DNAH8: variants seen among roughly 807,000 people sequenced by gnomAD.
The protein encoded by DNAH8 is axonemal beta dynein heavy chain 8.
Under a neutral mutation model 562.1 loss-of-function variants are expected in DNAH8, and 382 were observed. The observed-to-expected ratio is 0.68, with a 90% CI of 0.63 to 0.74. The LOEUF (loss-of-function observed/expected upper bound fraction) is 0.74, where lower values mean the gene tolerates loss of function less well. Among genes scored for constraint, DNAH8 ranks in the 30% least tolerant of loss-of-function variants. DNAH8 has a pLI of 0.00. For missense variants in DNAH8, 5,203 were observed against 5,620.4 expected, an observed-to-expected ratio of 0.93 and a Z score of 2.37; for synonymous variants, 1,881 against 1,919.4, an observed-to-expected ratio of 0.98 and a Z score of 0.52.
At chr6:38,975,622 G>A (rs1263718101) in intron 85 of DNAH8, among the ~76,000 whole-genome samples, 2 of 152,166 alleles carry the variant, frequency 1.3e-5, no homozygotes, top group East Asian at 3.8e-4. Context: ...CACTGAGAAA[G>A]TTAAAATCAG....
At chr6:38,979,518 G>T (rs1046930662) in intron 85 of DNAH8, among the ~76,000 whole-genome samples, 2 of 152,146 alleles carry the variant, frequency 1.3e-5, no homozygotes, top group African/African-American at 4.8e-5. Context: ...TAAAAAAATA[G>T]CAAGAAGATG....
chr6:39,001,673 A>G (rs1454365129), intron 88 of DNAH8, among the ~76,000 whole-genome samples: 1 of 152,188 alleles, frequency 6.6e-6, no homozygotes, highest in Non-Finnish European at 1.5e-5. Context: ...AGATAGAAAA[A>G]GGCTTAGTGA....
intron 26 of DNAH8, 51 bp downstream of exon 26, chr6:38,815,708 T>C (rs1189136630): frequency 6.8e-7 from 1 of 1,464,672 alleles, no homozygotes; most frequent in Non-Finnish European, 9.3e-7. Context: ...TTGGATTTGA[T>C]AGCATATAGA....
In DNAH8 at chr6:38,945,604, G is replaced by A; in HGVS notation, c.12129+16G>A. The A allele has an allele frequency of 1.2e-6, 2 of 1,613,514 alleles. No individual in the cohort carries two copies. Among genetic ancestry groups the A allele is most frequent in the African/African-American group, 2.7e-5 (2 of 75,024 alleles). ...TATGAACCAGGTAATACAATAAAGG[G>A]CTGGTTGAAAGTGCAGATCTGCAAA... On this transcript the variant is annotated intron_variant, in intron 80 of 92. Transcript: ENST00000327475.
chr6:38,732,755 C>A (rs770769472), intron 4 of DNAH8, among the ~76,000 whole-genome samples: 2 of 151,912 alleles, frequency 1.3e-5, no homozygotes, highest in Non-Finnish European at 2.9e-5. Context: ...TCTTACATGC[C>A]CACCTTTACA....
rs188142669 is a variant in DNAH8, at chr6:39,002,917, G to A, written c.13215-5897G>A. Among the ~76,000 whole-genome samples the A allele has an allele frequency of 2.0e-5, 3 of 152,266 alleles. No homozygotes were observed. In the East Asian group the frequency reaches 5.8e-4, roughly 29 times the overall value. On this transcript the variant is annotated intron_variant, in intron 88 of 92. Transcript: ENST00000327475. ...CATGACACCTTATGCATTTATCATG[G>A]CATGACTTTTGGAAAGGATGCAGAT...
At chr6:38,929,399 C>G (rs758392188) in intron 74 of DNAH8, 112 bp from the exon 75 acceptor site, 1 of 1,088,944 alleles carries the variant, frequency 9.2e-7, no homozygotes, top group Non-Finnish European at 1.3e-6. Flanking sequence ...AGTAAGTCTT[C>G]TTCTATTGCC....
chr6:38,979,189 C>T (rs1010962640), intron 85 of DNAH8, among the ~76,000 whole-genome samples: 3 of 152,194 alleles, frequency 2.0e-5, no homozygotes, highest in Non-Finnish European at 2.9e-5. Context: ...TTTATTCTTC[C>T]CAGAAGCCTC....
intron 16 of DNAH8, among the ~76,000 whole-genome samples, chr6:38,781,728 GTCACTGATACATAC>G (rs1381458390): frequency 6.6e-6 from 1 of 152,158 alleles, no homozygotes; most frequent in Non-Finnish European, 1.5e-5. Context: ...GGGCAGATAG[GTCACTGATACATAC>G]TCAGTGAAGG....
In DNAH8 at chr6:38,803,267, A is replaced by G; in HGVS notation, c.2990A>G (p.Gln997Arg). Reference protein sequence around the residue: ...AVRELISIFEQIYEVKYTGKV... With the variant: ...AVRELISIFERIYEVKYTGKV... ...AGAGAACTTATATCAATATTTGAGCAGATTTATGAAGTGAAATACACTGGG... is the reference window on the plus strand; with the variant it reads ...AGAGAACTTATATCAATATTTGAGCGGATTTATGAAGTGAAATACACTGGG... Residue 997 changes from glutamine (Q) to arginine (R), a missense_variant, in exon 22 of 93, where the codon CAG (glutamine) becomes CGG (arginine). Gln to Arg is a conservative substitution (Grantham distance 43, BLOSUM62 1). Around this residue, in one of 6 missense-constraint regions of DNAH8, gnomAD observed 2,176 missense variants for 2,365.1 expected, o/e 0.92. Coordinates refer to ENST00000327475, the MANE Select transcript of DNAH8 (RefSeq NM_001206927.2). 1 of 1,608,166 alleles carries G rather than the reference A, an allele frequency of 6.2e-7. No homozygotes were observed. The highest frequency in any genetic ancestry group is 8.5e-7 in the Non-Finnish European group (1 of 1,176,386).
intron 25 of DNAH8, 33 bp from the exon 26 acceptor site, chr6:38,815,435 G>C: frequency 6.5e-7 from 1 of 1,548,830 alleles, no homozygotes; most frequent in Non-Finnish European, 8.9e-7. Context: ...GTATGTGCCG[G>C]CAGTATTACA....
At chr6:38,971,487 T>TTTTAA in intron 82 of DNAH8, 105 bp from the exon 83 acceptor site, 1 of 653,802 alleles carries the variant, frequency 1.5e-6, no homozygotes. Flanking sequence ...TTTTTTTTTT[T>TTTTAA]AGAAACAATA....
chr6:38,892,358 A>C (rs185431290), intron 58 of DNAH8, among the ~76,000 whole-genome samples: 1 of 152,098 alleles, frequency 6.6e-6, no homozygotes, highest in Admixed American at 6.6e-5. Context: ...ACTCATCTCA[A>C]AGTTACCATG....
chr6:39,017,664 C>G (rs1023946851), intron 91 of DNAH8, among the ~76,000 whole-genome samples: 1 of 152,168 alleles, frequency 6.6e-6, no homozygotes, highest in Non-Finnish European at 1.5e-5. Context: ...AGTGTCTTGA[C>G]AAGCCATGCC....
chr6:38,764,540 C>G (rs1766818177), intron 11 of DNAH8: 1 of 152,132 alleles, frequency 6.6e-6, no homozygotes, highest in Non-Finnish European at 1.5e-5. Context: ...TGAAGTAGGC[C>G]TCCTTCAGAT....
chr6:38,756,766 C>T (rs538172268), intron 10 of DNAH8, among the ~76,000 whole-genome samples: 102 of 149,560 alleles, frequency 6.8e-4, no homozygotes, highest in South Asian at 2.3e-3. Context: ...TGAGAACATG[C>T]GGTGTTTGTT....
chr6:38,831,233 T>C (rs1773805591), intron 30 of DNAH8, among the ~76,000 whole-genome samples: 2 of 151,994 alleles, frequency 1.3e-5, no homozygotes, highest in Admixed American at 1.3e-4. Flanking sequence ...CAGACCAGCC[T>C]GGGCAACATG....
intron 76 of DNAH8, among the ~76,000 whole-genome samples, chr6:38,933,184 A>G (rs1249596309): frequency 6.6e-6 from 1 of 151,932 alleles, no homozygotes; most frequent in Non-Finnish European, 1.5e-5. Context: ...GCTGGTCTAG[A>G]TCCCCCATGC....
At chr6:38,933,062 G>A (rs938823323) in intron 76 of DNAH8, 1 of 152,444 alleles carries the variant, frequency 6.6e-6, no homozygotes, top group Non-Finnish European at 1.5e-5. Context: ...GATGGCCCTG[G>A]CCCGGCAATT....
Sources: gnomAD v4.1 joint callset for allele counts (sites outside exome capture counted in the v4.1 genomes callset) on GRCh38, gnomAD v4.1.1 for gene constraint, gnomAD v4.1.1 regional missense constraint, MANE v1.5 for transcripts, NCBI Gene and HGNC (gene_info 2026-07-23, HGNC 2026-07-21) for gene names.